The following DLD variants were observed in gnomAD, a reference collection of about 807,000 sequenced individuals.
DLD encodes the protein dihydrolipoamide dehydrogenase, also known as dihydrolipoyl dehydrogenase, mitochondrial.
Under a neutral mutation model 62.2 loss-of-function variants are expected in DLD, and 36 were observed. That is an observed-to-expected ratio of 0.58 (90% CI 0.44 to 0.76). The LOEUF (loss-of-function observed/expected upper bound fraction) is 0.76. DLD is among the 30% of genes least tolerant of loss of function. The pLI is 0.00. For missense variants in DLD, 541 were observed against 608.6 expected, an observed-to-expected ratio of 0.89 and a Z score of 1.17; for synonymous variants, 204 against 199.6, an observed-to-expected ratio of 1.02 and a Z score of -0.19.
At chr7:107,902,786 T>C (rs1032382327) in intron 4 of DLD, among the ~76,000 whole-genome samples, 5 of 152,216 alleles carry the variant, frequency 3.3e-5, no homozygotes, top group South Asian at 2.1e-4. Context: ...TGTGTACTTA[T>C]GCCTTTACTT....
chr7:107,919,353 T>A lies in DLD; in HGVS notation c.*94T>A. On this transcript the variant is annotated 3_prime_UTR_variant, in exon 14 of 14. Coordinates refer to ENST00000205402, the MANE Select transcript of DLD (RefSeq NM_000108.5). ...AGGATATTCTCACAGCTCCAAGAAT[T>A]TCTAGGACTGAATTATGAAACTTTT... 9.8e-7 allele frequency: 1 copy of A among 1,022,618 alleles called. No homozygotes were observed. The highest frequency in any genetic ancestry group is 1.5e-6 in the Non-Finnish European group (1 of 675,106). 63.3% of individuals were successfully genotyped at this position (1,022,618 alleles called of 1,614,324 possible).
chr7:107,917,100 A>G, intron 10 of DLD, 136 bp downstream of exon 10: 9 of 1,207,518 alleles, frequency 7.5e-6, no homozygotes, highest in Non-Finnish European at 1.1e-5. Flanking sequence ...TGTAAAATAA[A>G]AAATAACTGA....
chr7:107,912,288 CAT>C (rs544585834), intron 8 of DLD, among the ~76,000 whole-genome samples: 121 of 152,188 alleles, frequency 8.0e-4, no homozygotes, highest in Non-Finnish European at 1.2e-3. Context: ...CTGCAGTAAA[CAT>C]AAAGCGCAGA....
At position 107,891,197 on chromosome 7, in the gene DLD, G is replaced by A; in HGVS notation, c.-54G>A. 1 of 1,609,516 alleles carries A rather than the reference G, an allele frequency of 6.2e-7. No homozygotes were observed. The highest frequency in any genetic ancestry group is 8.5e-7 in the Non-Finnish European group (1 of 1,176,110). ...GGAGGGGAGACCTTGGCGGAGCGGC[G>A]GAGGCGCCCAGCGGAGGTGAAAGTA... On this transcript the variant is annotated 5_prime_UTR_variant, in exon 1 of 14. Coordinates refer to ENST00000205402, the MANE Select transcript of DLD (RefSeq NM_000108.5).
intron 10 of DLD, 83 bp downstream of exon 10, chr7:107,917,047 A>G (rs2032288130): frequency 1.4e-6 from 2 of 1,404,430 alleles, no homozygotes. Flanking sequence ...TTTTATGCTT[A>G]AAATATGTAT....
At chr7:107,904,923 A>T in intron 5 of DLD, 35 bp from the exon 6 acceptor site, 1 of 1,501,464 alleles carries the variant, frequency 6.7e-7, no homozygotes, top group Non-Finnish European at 9.2e-7. Flanking sequence ...TCAAGAATTT[A>T]GCTAAGAACT....
Position 107,891,189 on chromosome 7 carries a change from G to C in DLD, c.-62G>C, listed in dbSNP as rs979075082. 5.6e-6 allele frequency: 9 copies of C among 1,600,998 alleles called. No homozygotes were observed. The highest frequency in any genetic ancestry group is 6.8e-6 in the Non-Finnish European group (8 of 1,169,136). On this transcript the variant is annotated 5_prime_UTR_variant, in exon 1 of 14. Coordinates refer to ENST00000205402, the MANE Select transcript of DLD (RefSeq NM_000108.5). ...ATGCGCAGGGAGGGGAGACCTTGGC[G>C]GAGCGGCGGAGGCGCCCAGCGGAGG...
Position 107,891,256 on chromosome 7 carries a change from G to C in DLD, c.6G>C (p.Gln2His), listed in dbSNP as rs559880901. Reference protein sequence around the residue: MQSWSRVYCSLA... With the variant: MHSWSRVYCSLA... ...AAGGAAAATACAGCGGAAAAATGCA[G>C]AGCTGGAGTCGTGTGTACTGCTCCT... Residue 2 changes from glutamine (Q) to histidine (H), a missense_variant, in exon 1 of 14, where the codon CAG (glutamine) becomes CAC (histidine). Gln to His is a conservative substitution (Grantham distance 24). Coordinates refer to ENST00000205402, the MANE Select transcript of DLD (RefSeq NM_000108.5). 6.8e-6 allele frequency: 11 copies of C among 1,614,160 alleles called. No individual in the cohort carries two copies. In the East Asian group the frequency reaches 1.1e-4, roughly 16 times the overall value.
intron 2 of DLD, among the ~76,000 whole-genome samples, chr7:107,896,170 C>A (rs1384909977): frequency 6.6e-6 from 1 of 152,208 alleles, no homozygotes; most frequent in Non-Finnish European, 1.5e-5. Flanking sequence ...TCTAACAAGA[C>A]ACTGGAGAAC....
At chr7:107,914,138 GATTTCTC>G (rs1174911631) in intron 8 of DLD, among the ~76,000 whole-genome samples, 1 of 152,066 alleles carries the variant, frequency 6.6e-6, no homozygotes, top group Non-Finnish European at 1.5e-5. Flanking sequence ...TTTTAACTTA[GATTTCTC>G]TAATGACTTA....
At chr7:107,899,698 T>C (rs947790311) in intron 2 of DLD, among the ~76,000 whole-genome samples, 1 of 152,046 alleles carries the variant, frequency 6.6e-6, no homozygotes. Context: ...ATATAAAATA[T>C]GGCAAAAATT....
rs746227570 is a variant in DLD at position 107,892,326 on chromosome 7, C to G, written c.40-874C>G. ...TTGTCAAACTGTAGTAGCACCAGAACGTAAGTACATTACTTGGTGCATTTT... is the reference window on the plus strand; with the variant it reads ...TTGTCAAACTGTAGTAGCACCAGAAGGTAAGTACATTACTTGGTGCATTTT... On this transcript the variant is annotated intron_variant, in intron 1 of 13. Transcript: ENST00000205402. Among the ~76,000 whole-genome samples, 194 of 152,238 alleles carry G rather than the reference C, an allele frequency of 1.3e-3. 1 individual carries two copies. Among genetic ancestry groups the G allele is most frequent in the Admixed American group, 3.5e-3 (53 of 15,292 alleles).
intron 8 of DLD, among the ~76,000 whole-genome samples, chr7:107,914,566 G>C (rs2032222092): frequency 2.0e-5 from 3 of 152,078 alleles, no homozygotes; most frequent in Non-Finnish European, 2.9e-5. Flanking sequence ...CGTATTGTTA[G>C]ATTTTTAGTG....
In DLD at chr7:107,906,353, A is replaced by C. The variant is rs764478905; in HGVS notation, c.669A>C (p.Val223=). Residue 223 remains valine, a synonymous_variant, in exon 8 of 14, where the codon GTA becomes GTC. Coordinates refer to ENST00000205402, the MANE Select transcript of DLD (RefSeq NM_000108.5). ...AGATGGTTGTTATTGGTGCAGGAGT[A>C]ATAGGTGTAGAATTGGTAAGTGTTG... is the stretch of plus-strand genomic sequence containing the variant. The part of the protein sequence containing the change: ...PEKMVVIGAG[V]IGVELGSVWQ... 8 of 1,608,808 alleles carry C rather than the reference A, an allele frequency of 5.0e-6. No homozygotes were observed. The Admixed American group carries it at 1.2e-4, about 23-fold the overall frequency.
chr7:107,906,216 G>A, intron 7 of DLD, 51 bp from the exon 8 acceptor site: 1 of 1,172,302 alleles, frequency 8.5e-7, no homozygotes, highest in Non-Finnish European at 1.3e-6. Context: ...AGGGTCGACT[G>A]TACTAGGTTT....
At chr7:107,901,221 C>T (rs1034972540) in intron 2 of DLD, among the ~76,000 whole-genome samples, 4 of 152,028 alleles carry the variant, frequency 2.6e-5, no homozygotes, top group Non-Finnish European at 5.9e-5. Context: ...AATACTAAAG[C>T]ATTATATAAA....
intron 2 of DLD, among the ~76,000 whole-genome samples, chr7:107,899,610 T>C (rs1237985853): frequency 2.0e-5 from 3 of 152,062 alleles, no homozygotes; most frequent in African/African-American, 7.2e-5. Context: ...AGTTTTATTG[T>C]CATTAAAAGG....
At chr7:107,898,541 A>C (rs1301256363) in intron 2 of DLD, among the ~76,000 whole-genome samples, 1 of 151,412 alleles carries the variant, frequency 6.6e-6, no homozygotes, top group Non-Finnish European at 1.5e-5. Context: ...TCGGCCTCCC[A>C]AAGTGCTGGA....
At chr7:107,897,625 C>T in intron 2 of DLD, among the ~76,000 whole-genome samples, 1 of 138,448 alleles carries the variant, frequency 7.2e-6, no homozygotes, top group South Asian at 2.2e-4. Context: ...ATCATGCAAG[C>T]TGGGGTGCAA....
Sources: allele counts gnomAD v4.1 joint callset (sites outside exome capture counted in the v4.1 genomes callset), GRCh38; gene constraint gnomAD v4.1.1; transcripts MANE v1.5; gene names NCBI Gene and HGNC (gene_info 2026-07-23, HGNC 2026-07-21).